Variants in REV3L observed in about 807,000 individuals in gnomAD.
The protein encoded by REV3L is DNA polymerase zeta catalytic subunit.
A neutral mutation model predicts 299.4 loss-of-function variants in REV3L; 69 were observed. That is an observed-to-expected ratio of 0.23 (90% CI 0.19 to 0.28). REV3L has a LOEUF of 0.28. Among genes scored for constraint, REV3L ranks in the 10% least tolerant of loss-of-function variants. REV3L has a pLI of 1.00. For synonymous variants in REV3L, 1,238 were observed against 1,271.4 expected (o/e 0.97, Z 0.56); for missense variants, 3,128 against 3,693.8 (o/e 0.85, Z 3.97).
chr6:111,443,489 T>C (rs1788509810), intron 1 of REV3L, among the ~76,000 whole-genome samples: 2 of 152,188 alleles, frequency 1.3e-5, no homozygotes, highest in African/African-American at 4.8e-5. Flanking sequence ...GAAAGGTTTG[T>C]CCCAGCAGGC....
Position 111,351,671 on chromosome 6 carries a change from C to T in REV3L, c.7300+5G>A. 1 of 1,603,904 alleles carries T rather than the reference C, an allele frequency of 6.2e-7. No individual in the cohort carries two copies. Among genetic ancestry groups the T allele is most frequent in the Non-Finnish European group, 8.5e-7 (1 of 1,172,248 alleles). Reference sequence around the variant, plus strand: ...GAATGACAAAACATTCACAATGACACATACCTGGCACCCGAGAGATCATCC... The same window carrying T: ...GAATGACAAAACATTCACAATGACATATACCTGGCACCCGAGAGATCATCC... On this transcript the variant is annotated splice_donor_5th_base_variant and intron_variant, in intron 19 of 31. Transcript: ENST00000368802.
In REV3L at chr6:111,443,561, C is replaced by G. The variant is rs748708920; in HGVS notation, c.140-27089G>C. ...GCCTCGTTTTTAAATTTTGTTAGTG[C>G]AGGTCCAGGAAAGCCTTTACGCTAA... On this transcript the variant is annotated intron_variant, in intron 1 of 31. Coordinates refer to ENST00000368802, the MANE Select transcript of REV3L (RefSeq NM_001372078.1). 2.0e-5 allele frequency among the ~76,000 whole-genome samples: 3 copies of G among 152,152 alleles called. No homozygotes were observed. In the East Asian group the frequency reaches 5.8e-4, roughly 29 times the overall value.
At chr6:111,482,010 A>G (rs1475771451) in intron 1 of REV3L, among the ~76,000 whole-genome samples, 1 of 152,130 alleles carries the variant, frequency 6.6e-6, no homozygotes, top group Non-Finnish European at 1.5e-5. Flanking sequence ...AATTCACCCC[A>G]TTAAGTGTGA....
At chr6:111,482,029 G>A (rs1034806377) in intron 1 of REV3L, among the ~76,000 whole-genome samples, 2 of 152,136 alleles carry the variant, frequency 1.3e-5, no homozygotes, top group East Asian at 3.9e-4. Flanking sequence ...GATGTTTTAG[G>A]TTGGGCAACA....
intron 9 of REV3L, among the ~76,000 whole-genome samples, chr6:111,382,521 G>A (rs1357108631): frequency 6.6e-6 from 1 of 152,188 alleles, no homozygotes; most frequent in African/African-American, 2.4e-5. Context: ...AATTTAGCCA[G>A]CACCCATGAG....
intron 15 of REV3L, among the ~76,000 whole-genome samples, chr6:111,364,520 C>A (rs941683025): frequency 6.6e-5 from 10 of 151,778 alleles, no homozygotes; most frequent in South Asian, 2.1e-4. Flanking sequence ...CTGTTTTCCC[C>A]AAAGTGTTAT....
chr6:111,457,803 A>C (rs902076808), intron 1 of REV3L, among the ~76,000 whole-genome samples: 1 of 152,024 alleles, frequency 6.6e-6, no homozygotes, highest in African/African-American at 2.4e-5. Context: ...ACAATGGCTA[A>C]GAATTTTCCA....
At chr6:111,352,000 G>GTTTC (rs750894614) in intron 18 of REV3L, among the ~76,000 whole-genome samples, 1 of 151,042 alleles carries the variant, frequency 6.6e-6, no homozygotes, top group Non-Finnish European at 1.5e-5. Context: ...AAGCTACTTT[G>GTTTC]TTTCTTTCTT....
chr6:111,438,117 C>T (rs116780022), intron 1 of REV3L, among the ~76,000 whole-genome samples: 2 of 152,046 alleles, frequency 1.3e-5, no homozygotes, highest in African/African-American at 4.8e-5. Context: ...CCTCAGCCTC[C>T]TGAGTAGCTG....
chr6:111,366,178 ATG>A (rs1333972671), intron 14 of REV3L, among the ~76,000 whole-genome samples: 1 of 152,158 alleles, frequency 6.6e-6, no homozygotes, highest in Non-Finnish European at 1.5e-5. Flanking sequence ...ATGTGGAGGC[ATG>A]TATATATAAG....
chr6:111,471,269 A>C (rs919308462), intron 1 of REV3L, among the ~76,000 whole-genome samples: 7 of 152,102 alleles, frequency 4.6e-5, no homozygotes, highest in Admixed American at 3.3e-4. Context: ...TTAAGGCACT[A>C]GTGATGGCTT....
intron 1 of REV3L, among the ~76,000 whole-genome samples, chr6:111,482,358 C>A (rs1361367797): frequency 6.6e-6 from 1 of 152,176 alleles, no homozygotes; most frequent in Non-Finnish European, 1.5e-5. Context: ...CACTAGCGAC[C>A]GACCTCAGAG....
chr6:111,431,292 C>G, intron 1 of REV3L: 2 of 1,305,190 alleles, frequency 1.5e-6, no homozygotes, highest in Non-Finnish European at 2.2e-6. Flanking sequence ...GAAGGCCATA[C>G]TAGGACACCT....
chr6:111,359,463 CTACT>C (rs1778419103), intron 16 of REV3L, among the ~76,000 whole-genome samples: 1 of 137,330 alleles, frequency 7.3e-6, no homozygotes, highest in Admixed American at 8.1e-5. Context: ...TACTTGAGGG[CTACT>C]TAAACTTAGA....
At chr6:111,341,103 G>A (rs534953882) in intron 21 of REV3L, among the ~76,000 whole-genome samples, 4 of 147,290 alleles carry the variant, frequency 2.7e-5, no homozygotes, top group South Asian at 2.2e-4. Context: ...GCGCAGTGGC[G>A]TGATCTTAGT....
intron 1 of REV3L, among the ~76,000 whole-genome samples, chr6:111,468,891 G>A (rs1791841216): frequency 6.6e-6 from 1 of 152,192 alleles, no homozygotes; most frequent in Non-Finnish European, 1.5e-5. Flanking sequence ...CGGGCGTAGT[G>A]GCTCATGCCT....
Position 111,374,040 on chromosome 6 carries a change from T to C in REV3L, c.4315A>G (p.Ser1439Gly), listed in dbSNP as rs749366951. The change falls in exon 13 of 32, where the codon AGT becomes GGT. Residue 1439 changes from serine to glycine, a missense_variant. Transcript: ENST00000368802. Reference sequence around the variant, plus strand: ...GTATTTCCCGGAGAACAAGTTTCACTGTGCTTTGACTGTTCCGCTATGCAC... The same window carrying C: ...GTATTTCCCGGAGAACAAGTTTCACCGTGCTTTGACTGTTCCGCTATGCAC... Reference protein sequence around the residue: ...IVCIAEQSKHSETCSPGNTAS... With the variant: ...IVCIAEQSKHGETCSPGNTAS... 4 of 1,614,154 alleles carry C rather than the reference T, an allele frequency of 2.5e-6. No homozygotes were observed. The East Asian group carries it at 8.9e-5, about 36-fold the overall frequency.
At chr6:111,337,728 G>A (rs1358222633) in intron 21 of REV3L, among the ~76,000 whole-genome samples, 1 of 152,112 alleles carries the variant, frequency 6.6e-6, no homozygotes, top group Non-Finnish European at 1.5e-5. Flanking sequence ...ATTTTAATCT[G>A]CATTGTTTTG....
At chr6:111,331,330 T>A (rs985904593) in intron 24 of REV3L, among the ~76,000 whole-genome samples, 1 of 152,222 alleles carries the variant, frequency 6.6e-6, no homozygotes, top group Non-Finnish European at 1.5e-5. Context: ...TAAAACAATT[T>A]AAATCTTTGT....
Sources: gnomAD v4.1 joint callset for allele counts (sites outside exome capture counted in the v4.1 genomes callset) on GRCh38, gnomAD v4.1.1 for gene constraint, MANE v1.5 for transcripts, NCBI Gene and HGNC (gene_info 2026-07-23, HGNC 2026-07-21) for gene names.